CDH4: variants seen among roughly 807,000 people sequenced by gnomAD.
The protein encoded by CDH4 is cadherin-4.
CDH4 carries 33 observed loss-of-function variants against 86.0 expected under a neutral mutation model. That is an observed-to-expected ratio of 0.38 (90% CI 0.29 to 0.51). The LOEUF is 0.51. Among genes scored for constraint, CDH4 ranks in the 20% least tolerant of loss-of-function variants. The pLI is 0.86. For missense variants in CDH4, 1,114 were observed against 1,307.4 expected (o/e 0.85, Z 2.28); for synonymous variants, 555 against 549.4 (o/e 1.01, Z -0.14).
At chr20:61,668,352 G>A (rs747787585) in intron 2 of CDH4, among the ~76,000 whole-genome samples, 11 of 152,224 alleles carry the variant, frequency 7.2e-5, no homozygotes, top group Non-Finnish European at 1.6e-4. Context: ...CTGCCCCGAA[G>A]CCGCAGAGGA....
chr20:61,796,914 G>T (rs995573664), intron 4 of CDH4, among the ~76,000 whole-genome samples: 2 of 152,194 alleles, frequency 1.3e-5, no homozygotes, highest in African/African-American at 4.8e-5. Context: ...TAACTTTCAC[G>T]CTGCCTTCCT....
intron 2 of CDH4, among the ~76,000 whole-genome samples, chr20:61,595,597 GT>G (rs553918977): frequency 6.6e-6 from 1 of 152,170 alleles, no homozygotes; most frequent in Non-Finnish European, 1.5e-5. Flanking sequence ...CTTCTTTATT[GT>G]TTTTTTAGAA....
chr20:61,750,084 A>G (rs1466504140), intron 3 of CDH4, among the ~76,000 whole-genome samples: 1 of 152,138 alleles, frequency 6.6e-6, no homozygotes, highest in Non-Finnish European at 1.5e-5. Flanking sequence ...AAAATCAACA[A>G]TCCAGGCATT....
intron 8 of CDH4, among the ~76,000 whole-genome samples, chr20:61,907,746 C>T (rs374172260): frequency 2.0e-5 from 3 of 152,212 alleles, no homozygotes; most frequent in African/African-American, 7.2e-5. Context: ...GGGCTCTGGC[C>T]ACCTGGCTCA....
chr20:61,559,093 C>T (rs768199358), intron 2 of CDH4, among the ~76,000 whole-genome samples: 1 of 152,126 alleles, frequency 6.6e-6, no homozygotes, highest in African/African-American at 2.4e-5. Flanking sequence ...CTGAGGTGGG[C>T]GGAGCATGAG....
chr20:61,319,822 C>T (rs1007575863), intron 2 of CDH4, among the ~76,000 whole-genome samples: 1 of 151,496 alleles, frequency 6.6e-6, no homozygotes, highest in African/African-American at 2.4e-5. Context: ...GGCGTGGTGT[C>T]AGGCACCTGT....
Position 61,688,173 on chromosome 20 carries a change from G to A in CDH4, c.170-55390G>A, listed in dbSNP as rs371298454. On this transcript the variant is annotated intron_variant, in intron 2 of 15. Transcript: ENST00000614565. ...GCTGGGCTCATAGGGGTCAATGTTAGGGGTGACGTCGTGACCAGAAACACC... is the reference window on the plus strand; with the variant it reads ...GCTGGGCTCATAGGGGTCAATGTTAAGGGTGACGTCGTGACCAGAAACACC... Among the ~76,000 whole-genome samples, 153 of 152,162 alleles carry A rather than the reference G, an allele frequency of 1.0e-3. 4 individuals carry two copies. In the South Asian group the frequency reaches 0.02, roughly 20 times the overall value.
intron 13 of CDH4, 53 bp from the exon 14 acceptor site, chr20:61,932,932 A>G: frequency 6.3e-7 from 1 of 1,588,896 alleles, no homozygotes; most frequent in Non-Finnish European, 8.6e-7. Context: ...ACACAGAGGC[A>G]CACATGCGCA....
In CDH4 at chr20:61,501,576, T is replaced by A. The variant is rs2085701474; in HGVS notation, c.170-241987T>A. ...GAATCTCAGAACCTTTGGGCCTGCA[T>A]CTCTGCGGCCCGGAGACGCTGACTC... On this transcript the variant is annotated intron_variant, in intron 2 of 15. Coordinates refer to ENST00000614565, the MANE Select transcript of CDH4 (RefSeq NM_001794.5). This position sits in a 1 kb window ranked among gnomAD's most constrained non-coding sequence, Gnocchi z 4.2. Among the ~76,000 whole-genome samples, 1 of 152,278 alleles carries A rather than the reference T, an allele frequency of 6.6e-6. No individual in the cohort carries two copies. Among genetic ancestry groups the A allele is most frequent in the Non-Finnish European group, 1.5e-5 (1 of 68,026 alleles).
At chr20:61,706,133 C>T (rs866211282) in intron 2 of CDH4, among the ~76,000 whole-genome samples, 25 of 152,262 alleles carry the variant, frequency 1.6e-4, no homozygotes, top group African/African-American at 5.8e-4. Context: ...ACAGCCGGCC[C>T]GACGCCTGCC....
chr20:61,563,766 T>C (rs180875429), intron 2 of CDH4, among the ~76,000 whole-genome samples: 3 of 152,318 alleles, frequency 2.0e-5, no homozygotes, highest in Admixed American at 2.0e-4. Context: ...CCCCTCTGTG[T>C]GGCTCTGTGG....
chr20:61,796,671 C>A (rs1219362888), intron 4 of CDH4, among the ~76,000 whole-genome samples: 1 of 152,194 alleles, frequency 6.6e-6, no homozygotes, highest in African/African-American at 2.4e-5. Flanking sequence ...GAGCCAGGGT[C>A]TCACATGAAG....
rs1022462386 is a variant in CDH4, at chr20:61,483,465, G to C, written c.169+228528G>C. 3.3e-5 allele frequency among the ~76,000 whole-genome samples: 5 copies of C among 152,192 alleles called. No individual in the cohort carries two copies. In the South Asian group the frequency reaches 1.0e-3, roughly 32 times the overall value. ...GGTTACAAGAATTCATCCCATGTCTGTGCACGCCCATTGAGCATGAAATTG... is the reference window on the plus strand; with the variant it reads ...GGTTACAAGAATTCATCCCATGTCTCTGCACGCCCATTGAGCATGAAATTG... On this transcript the variant is annotated intron_variant, in intron 2 of 15. Coordinates refer to ENST00000614565, the MANE Select transcript of CDH4 (RefSeq NM_001794.5).
At chr20:61,718,764 C>T (rs754742006) in intron 2 of CDH4, 2 of 469,746 alleles carry the variant, frequency 4.3e-6, no homozygotes, top group African/African-American at 2.0e-5. Context: ...GGCCACCCTA[C>T]ACCCCTGCAC....
chr20:61,695,677 A>G (rs190675364), intron 2 of CDH4, among the ~76,000 whole-genome samples: 2 of 152,340 alleles, frequency 1.3e-5, no homozygotes, highest in East Asian at 1.9e-4. Flanking sequence ...GGGGAGGTCA[A>G]AAATGCAGGG....
chr20:61,577,626 G>A (rs1016684063), intron 2 of CDH4, among the ~76,000 whole-genome samples: 2 of 152,156 alleles, frequency 1.3e-5, no homozygotes, highest in African/African-American at 2.4e-5. Context: ...GGTTCTCTGG[G>A]GTCCCAGGAA....
intron 3 of CDH4, among the ~76,000 whole-genome samples, chr20:61,757,243 C>A (rs867502966): frequency 2.0e-5 from 3 of 151,310 alleles, no homozygotes; most frequent in Admixed American, 6.6e-5. Context: ...ACCCCCCCCC[C>A]AGCCCCCTCC....
At chr20:61,587,523 C>T (rs983321012) in intron 2 of CDH4, among the ~76,000 whole-genome samples, 1 of 152,112 alleles carries the variant, frequency 6.6e-6, no homozygotes, top group African/African-American at 2.4e-5. Flanking sequence ...AAACTGCAGT[C>T]CTGCTTCCTG....
chr20:61,431,664 T>A (rs937630796), intron 2 of CDH4, among the ~76,000 whole-genome samples: 1 of 152,104 alleles, frequency 6.6e-6, no homozygotes, highest in African/African-American at 2.4e-5. Context: ...CTGGCCAAAG[T>A]TACTCTTTTT....
Sources: gnomAD v4.1 joint callset for allele counts (sites outside exome capture counted in the v4.1 genomes callset) on GRCh38, gnomAD v4.1.1 for gene constraint, Gnocchi (gnomAD v3.1) non-coding constraint, MANE v1.5 for transcripts, NCBI Gene and HGNC (gene_info 2026-07-23, HGNC 2026-07-21) for gene names.